The following NCAM2 variants were observed in gnomAD, a reference collection of about 807,000 sequenced individuals.
NCAM2 encodes neural cell adhesion molecule 2.
A neutral mutation model predicts 98.1 loss-of-function variants in NCAM2; 30 were observed. The observed-to-expected ratio is 0.31, with a 90% CI of 0.23 to 0.41. The LOEUF is 0.41. NCAM2 is among the 10% of genes least tolerant of loss of function. NCAM2 has a pLI of 1.00. For missense variants in NCAM2, 867 were observed against 1,005.8 expected, an observed-to-expected ratio of 0.86 and a Z score of 1.87; for synonymous variants, 368 against 342.4, an observed-to-expected ratio of 1.07 and a Z score of -0.83.
intron 6 of NCAM2, among the ~76,000 whole-genome samples, chr21:21,332,363 C>G (rs2074739570): frequency 6.6e-6 from 1 of 152,068 alleles, no homozygotes; most frequent in Non-Finnish European, 1.5e-5. Context: ...TTAGGTGGAT[C>G]CAAACCACCT....
At chr21:21,285,353 G>C (rs1324270775) in intron 3 of NCAM2, among the ~76,000 whole-genome samples, 3 of 151,726 alleles carry the variant, frequency 2.0e-5, no homozygotes, top group Admixed American at 6.6e-5. Flanking sequence ...AGGACTTCCT[G>C]TTTGATGACC....
At chr21:21,018,379 C>A (rs942012952) in intron 1 of NCAM2, among the ~76,000 whole-genome samples, 11 of 152,138 alleles carry the variant, frequency 7.2e-5, no homozygotes, top group Non-Finnish European at 1.6e-4. Flanking sequence ...GACTTGAATT[C>A]TTCATTTCAG....
At chr21:21,426,249 GAAGT>G (rs1254764545) in intron 11 of NCAM2, among the ~76,000 whole-genome samples, 4 of 152,114 alleles carry the variant, frequency 2.6e-5, no homozygotes, top group African/African-American at 9.7e-5. Flanking sequence ...AAACCTTATA[GAAGT>G]AAGGTAGCCA....
rs377606550 is a variant in NCAM2, at chr21:21,477,009, T to TAA, written c.1897-272_1897-271dup. On this transcript the variant is annotated intron_variant, in intron 14 of 17. Coordinates refer to ENST00000400546, the MANE Select transcript of NCAM2 (RefSeq NM_004540.5). ...AAAAAACTAACTGATATATGTGAAA[T>TAA]AAAAAAAAAAATCCTAATGGAGGTA... Among the ~76,000 whole-genome samples the TAA allele has an allele frequency of 3.9e-3, 562 of 144,784 alleles. 5 individuals carry two copies. Among genetic ancestry groups the TAA allele is most frequent in the African/African-American group, 0.013 (534 of 39,882 alleles). 95.0% of individuals were successfully genotyped at this position (144,784 alleles called of 152,430 possible).
intron 1 of NCAM2, among the ~76,000 whole-genome samples, chr21:21,229,401 T>C (rs1224412819): frequency 6.6e-6 from 1 of 151,560 alleles, no homozygotes; most frequent in African/African-American, 2.4e-5. Flanking sequence ...TTTAATAAGA[T>C]GTCACTTTAA....
chr21:21,168,467 G>A (rs113668859), intron 1 of NCAM2, among the ~76,000 whole-genome samples: 3 of 152,054 alleles, frequency 2.0e-5, no homozygotes, highest in Non-Finnish European at 2.9e-5. Context: ...TAGAAGAAAG[G>A]AAAAGACATA....
At chr21:21,384,406 G>T (rs1314081020) in intron 9 of NCAM2, among the ~76,000 whole-genome samples, 1 of 151,704 alleles carries the variant, frequency 6.6e-6, no homozygotes, top group Non-Finnish European at 1.5e-5. Flanking sequence ...GTCTCTAGCA[G>T]TCTAGTTTCC....
chr21:21,399,048 C>T (rs2076574715), intron 9 of NCAM2, among the ~76,000 whole-genome samples: 1 of 152,078 alleles, frequency 6.6e-6, no homozygotes, highest in Non-Finnish European at 1.5e-5. Context: ...GGATTAGGAT[C>T]AAGAGGTGAC....
intron 1 of NCAM2, among the ~76,000 whole-genome samples, chr21:21,110,782 G>T (rs2066438514): frequency 6.6e-6 from 1 of 151,830 alleles, no homozygotes; most frequent in African/African-American, 2.4e-5. Context: ...TGACTGAATT[G>T]GTTCTACCAC....
intron 8 of NCAM2, among the ~76,000 whole-genome samples, chr21:21,340,279 A>G (rs2074988535): frequency 6.6e-6 from 1 of 151,924 alleles, no homozygotes; most frequent in Admixed American, 6.6e-5. Context: ...CTTCTCAAAG[A>G]TAGTTTTTAC....
intron 1 of NCAM2, among the ~76,000 whole-genome samples, chr21:21,244,504 G>C (rs1161633080): frequency 1.3e-5 from 2 of 151,900 alleles, no homozygotes; most frequent in Non-Finnish European, 2.9e-5. Flanking sequence ...GTTTTTATTT[G>C]AATTTATCAT....
At chr21:21,430,225 A>G (rs757984666) in intron 11 of NCAM2, among the ~76,000 whole-genome samples, 3 of 151,568 alleles carry the variant, frequency 2.0e-5, no homozygotes, top group Non-Finnish European at 2.9e-5. Context: ...ACAGGGTTTC[A>G]CCATGTTGAC....
chr21:21,287,399 T>C (rs554024627), intron 4 of NCAM2, among the ~76,000 whole-genome samples: 5 of 152,150 alleles, frequency 3.3e-5, no homozygotes, highest in African/African-American at 1.2e-4. Flanking sequence ...TCAATGCTTG[T>C]CAGTTTCCAT....
chr21:21,216,934 A>C (rs998829783), intron 1 of NCAM2, among the ~76,000 whole-genome samples: 2 of 152,048 alleles, frequency 1.3e-5, no homozygotes, highest in African/African-American at 4.8e-5. Flanking sequence ...TAGCTTGGAA[A>C]CCTTGGTTGA....
intron 1 of NCAM2, among the ~76,000 whole-genome samples, chr21:21,094,763 G>T (rs1485074590): frequency 6.6e-6 from 1 of 151,712 alleles, no homozygotes; most frequent in Non-Finnish European, 1.5e-5. Context: ...ACATAACGAT[G>T]TAAGTGGGTC....
chr21:21,207,729 T>C (rs1280146450), intron 1 of NCAM2, among the ~76,000 whole-genome samples: 1 of 151,856 alleles, frequency 6.6e-6, no homozygotes, highest in Non-Finnish European at 1.5e-5. Context: ...AGACTGAGAG[T>C]ATGTGAGGAC....
chr21:21,247,151 C>G (rs1481619786), intron 1 of NCAM2, among the ~76,000 whole-genome samples: 1 of 151,838 alleles, frequency 6.6e-6, no homozygotes, highest in East Asian at 1.9e-4. Context: ...AACCCCGTCT[C>G]TACTAAAAAT....
Position 21,280,606 on chromosome 21 carries a change from C to G in NCAM2, c.84C>G (p.Ser28Arg). The G allele has an allele frequency of 6.2e-7, 1 of 1,600,386 alleles. No homozygotes were observed. The highest frequency in any genetic ancestry group is 8.5e-7 in the Non-Finnish European group (1 of 1,174,620). Residue 28 changes from serine (S) to arginine (R), a missense_variant, in exon 2 of 18, where the codon AGC (serine) becomes AGG (arginine). Physicochemically the swap from Ser to Arg is moderately radical, Grantham distance 110 (BLOSUM62 -1). Around this residue, in one of 5 missense-constraint regions of NCAM2, gnomAD observed 447 missense variants for 495.7 expected, o/e 0.90. Transcript: ENST00000400546. The part of the protein sequence containing the change: ...QALLQVTISL[S>R]KVELSVGESK... ...TTCTTCAAGTGACAATTTCACTTAG[C>G]AAAGTAGAGCTTAGTGTTGGAGAAT...
Position 21,498,223 on chromosome 21 carries a change from C to G in NCAM2, c.2078-10628C>G, listed in dbSNP as rs560784451. Among the ~76,000 whole-genome samples, 192 of 152,184 alleles carry G rather than the reference C, an allele frequency of 1.3e-3. 2 individuals are homozygous for G. The highest frequency in any genetic ancestry group is 6.0e-3 in the South Asian group (29 of 4,818). ...AATCCATAAGCTGGTGTAATTTCAT[C>G]AAATTAAGTGCTGTATTCCTGATTA... On this transcript the variant is annotated intron_variant, in intron 15 of 17. Coordinates refer to ENST00000400546, the MANE Select transcript of NCAM2 (RefSeq NM_004540.5).
Sources: allele counts gnomAD v4.1 joint callset (sites outside exome capture counted in the v4.1 genomes callset), GRCh38; gene constraint gnomAD v4.1.1; regional missense constraint gnomAD v4.1.1; transcripts MANE v1.5; gene names NCBI Gene and HGNC (gene_info 2026-07-23, HGNC 2026-07-21).